Variants in LMO7 observed in about 807,000 individuals in gnomAD.
LMO7 encodes the protein LIM domain only protein 7.
A neutral mutation model predicts 206.5 loss-of-function variants in LMO7; 120 were observed. The observed-to-expected ratio is 0.58, with a 90% CI of 0.50 to 0.68. The LOEUF is 0.68. Among genes scored for constraint, LMO7 ranks in the 30% least tolerant of loss-of-function variants. The pLI is 0.00. For missense variants in LMO7, 1,959 were observed against 1,957.9 expected, an observed-to-expected ratio of 1.00 and a Z score of -0.01; for synonymous variants, 706 against 681.5, an observed-to-expected ratio of 1.04 and a Z score of -0.56.
intron 2 of LMO7, among the ~76,000 whole-genome samples, chr13:75,724,559 A>T (rs1296448417): frequency 6.6e-6 from 1 of 152,124 alleles, no homozygotes; most frequent in African/African-American, 2.4e-5. Flanking sequence ...AAGAAGTTCT[A>T]TTTGTAGAAG....
At position 75,835,220 on chromosome 13, in the gene LMO7, A is replaced by G; in HGVS notation, c.3227-13A>G. ...AACCCTCAATCTCACCAGTATGGCT[A>G]CCAAAATTATAGGTTCACCTGAAAC... On this transcript the variant is annotated splice_polypyrimidine_tract_variant and intron_variant, in intron 17 of 30. Transcript: ENST00000377534. The G allele has an allele frequency of 2.5e-6, 4 of 1,612,398 alleles. No homozygotes were observed. The highest frequency in any genetic ancestry group is 3.4e-6 in the Non-Finnish European group (4 of 1,179,274).
intron 3 of LMO7, among the ~76,000 whole-genome samples, chr13:75,727,780 C>A (rs1594562577): frequency 6.7e-6 from 1 of 149,238 alleles, no homozygotes. Flanking sequence ...CCCCCCTCCC[C>A]CAACCCCACA....
intron 7 of LMO7, among the ~76,000 whole-genome samples, chr13:75,802,889 T>C (rs982674737): frequency 1.6e-4 from 25 of 152,310 alleles, no homozygotes; most frequent in African/African-American, 5.5e-4. Context: ...AATGTCACAT[T>C]CTCTAGTTTT....
intron 22 of LMO7, 35 bp from the exon 23 acceptor site, chr13:75,841,074 T>A (rs2059525257): frequency 1.5e-6 from 2 of 1,293,848 alleles, no homozygotes; most frequent in South Asian, 2.5e-5. Context: ...GAAGAGTTAA[T>A]CTATTGGATT....
At chr13:75,760,417 A>G (rs1283847772) in intron 3 of LMO7, 51 of 1,099,014 alleles carry the variant, frequency 4.6e-5, no homozygotes, top group Non-Finnish European at 5.5e-5. Context: ...CAACAACCAA[A>G]CCCAGATTCC....
At chr13:75,848,064 T>A (rs1406477001) in intron 26 of LMO7, among the ~76,000 whole-genome samples, 1 of 152,220 alleles carries the variant, frequency 6.6e-6, no homozygotes, top group Non-Finnish European at 1.5e-5. Flanking sequence ...TTTTTATTTT[T>A]AAATTTTTTT....
Position 75,853,317 on chromosome 13 carries a change from C to G in LMO7, c.4590C>G (p.Ala1530=). The change falls in exon 28 of 31, where the codon GCC becomes GCG. Residue 1530 remains alanine (A), a synonymous_variant. Transcript: ENST00000377534. ...GSVKTSTTGV[A]TTQSPTPRSH... ...TGAAGACCTCCACCACAGGTGTGGC[C>G]ACCACACAGTCCCCCACCCCGAGAA... 1 of 1,613,984 alleles carries G rather than the reference C, an allele frequency of 6.2e-7. No homozygotes were observed. Among genetic ancestry groups the G allele is most frequent in the Non-Finnish European group, 8.5e-7 (1 of 1,179,878 alleles).
intron 7 of LMO7, among the ~76,000 whole-genome samples, chr13:75,802,160 C>A (rs1308935546): frequency 6.6e-6 from 1 of 152,160 alleles, no homozygotes; most frequent in East Asian, 1.9e-4. Context: ...TTCCAAAAAA[C>A]CAATCAACAA....
intron 1 of LMO7, among the ~76,000 whole-genome samples, chr13:75,670,532 T>A (rs1362032905): frequency 6.6e-6 from 1 of 152,224 alleles, no homozygotes; most frequent in African/African-American, 2.4e-5. Context: ...TTGAATACTG[T>A]AGATAATTGT....
chr13:75,723,194 A>T (rs1463139113), intron 2 of LMO7, among the ~76,000 whole-genome samples: 1 of 143,288 alleles, frequency 7.0e-6, no homozygotes, highest in Non-Finnish European at 1.5e-5. Flanking sequence ...ATAAAAGATT[A>T]AAAAAAAACC....
At chr13:75,719,117 C>T (rs1209172794) in intron 2 of LMO7, among the ~76,000 whole-genome samples, 2 of 151,940 alleles carry the variant, frequency 1.3e-5, no homozygotes, top group Middle Eastern at 3.4e-3. Flanking sequence ...GTAGCTGGGA[C>T]TACAGGCACG....
chr13:75,747,278 C>G (rs1353320821), intron 3 of LMO7, among the ~76,000 whole-genome samples: 3 of 152,150 alleles, frequency 2.0e-5, no homozygotes, highest in Non-Finnish European at 4.4e-5. Flanking sequence ...TCAGATTCTT[C>G]TCTATATCCA....
intron 4 of LMO7, among the ~76,000 whole-genome samples, chr13:75,785,789 G>A (rs2052336167): frequency 6.6e-6 from 1 of 152,154 alleles, no homozygotes; most frequent in African/African-American, 2.4e-5. Context: ...CATATAATCA[G>A]GCAACTTTAT....
At chr13:75,820,898 G>T (rs189108788) in intron 13 of LMO7, among the ~76,000 whole-genome samples, 664 of 152,112 alleles carry the variant, frequency 4.4e-3, no homozygotes, top group African/African-American at 0.015. Flanking sequence ...TCGGGAGGCT[G>T]AGTCAGGAGA....
chr13:75,808,072 A>G lies in LMO7; in HGVS notation c.1789A>G (p.Lys597Glu). The change falls in exon 10 of 31, where the codon AAA becomes GAA. Residue 597 changes from lysine (K) to glutamate (E), a missense_variant. Lys to Glu is a moderately conservative substitution (Grantham distance 56, BLOSUM62 1). Transcript: ENST00000377534. ...DMLTRKIQSW[K>E]LGTTVPPISF... ...GCTGACACGTAAGATTCAGTCCTGG[A>G]AACTGGGAACTACCGTGCCTCCCAT... The G allele has an allele frequency of 5.6e-6, 9 of 1,613,988 alleles. No homozygotes were observed. Among genetic ancestry groups the G allele is most frequent in the Non-Finnish European group, 6.8e-6 (8 of 1,179,878 alleles).
chr13:75,645,887 C>T (rs1467365038), intron 1 of LMO7, among the ~76,000 whole-genome samples: 1 of 152,158 alleles, frequency 6.6e-6, no homozygotes, highest in Non-Finnish European at 1.5e-5. Context: ...TTTTCTTTGC[C>T]TACAGTATCT....
intron 4 of LMO7, among the ~76,000 whole-genome samples, chr13:75,789,403 C>T (rs1049362404): frequency 4.6e-5 from 7 of 152,078 alleles, no homozygotes; most frequent in Admixed American, 4.6e-4. Context: ...ATGCTGGTAC[C>T]TTGAGAAAGA....
At chr13:75,718,313 G>A (rs1459801576) in intron 2 of LMO7, among the ~76,000 whole-genome samples, 2 of 152,150 alleles carry the variant, frequency 1.3e-5, no homozygotes, top group African/African-American at 2.4e-5. Context: ...TTTTAATATT[G>A]TGGCCTTAAA....
intron 15 of LMO7, among the ~76,000 whole-genome samples, chr13:75,832,703 A>T (rs1180221451): frequency 1.3e-4 from 20 of 152,146 alleles, no homozygotes; most frequent in Admixed American, 1.2e-3. Flanking sequence ...AAATCACTGT[A>T]CTTTATTCCT....
Sources: gnomAD v4.1 joint callset for allele counts (sites outside exome capture counted in the v4.1 genomes callset) on GRCh38, gnomAD v4.1.1 for gene constraint, MANE v1.5 for transcripts, NCBI Gene and HGNC (gene_info 2026-07-23, HGNC 2026-07-21) for gene names.